Variants in STXBP5 observed in about 807,000 individuals in gnomAD.
STXBP5 encodes syntaxin-binding protein 5.
In STXBP5, 50 loss-of-function variants were observed where a neutral mutation model predicts 152.4. That is an observed-to-expected ratio of 0.33 (90% CI 0.26 to 0.42). The LOEUF is 0.42. STXBP5 is among the 10% of genes least tolerant of loss of function. The pLI is 1.00. For synonymous variants in STXBP5, 492 were observed against 494.7 expected (o/e 0.99, Z 0.07); for missense variants, 1,167 against 1,388.6 (o/e 0.84, Z 2.54).
intron 4 of STXBP5, among the ~76,000 whole-genome samples, chr6:147,252,004 A>G (rs948400711): frequency 6.6e-6 from 1 of 152,186 alleles, no homozygotes; most frequent in Non-Finnish European, 1.5e-5. Context: ...TTAGAAGGAA[A>G]ACTAACAAAC....
At chr6:147,286,061 G>A (rs1780945758) in intron 8 of STXBP5, among the ~76,000 whole-genome samples, 1 of 152,148 alleles carries the variant, frequency 6.6e-6, no homozygotes, top group African/African-American at 2.4e-5. Flanking sequence ...ATATAGATTG[G>A]AATAGAGGTT....
intron 2 of STXBP5, among the ~76,000 whole-genome samples, chr6:147,215,449 C>T (rs1777113348): frequency 6.6e-6 from 1 of 152,088 alleles, no homozygotes; most frequent in South Asian, 2.1e-4. Flanking sequence ...GGTGCTATCT[C>T]GGCTCACTAC....
Position 147,386,936 on chromosome 6 carries a change from T to C in STXBP5, c.*2181T>C, listed in dbSNP as rs553304988. ...TTGTATATTAACTTCATTTTTACTG[T>C]CATTTTTCCTGTTGTATACAAAATG... is the stretch of plus-strand genomic sequence containing the variant. On this transcript the variant is annotated 3_prime_UTR_variant, in exon 28 of 28. Coordinates refer to ENST00000321680, the MANE Select transcript of STXBP5 (RefSeq NM_001127715.4). 6.6e-6 allele frequency: 1 copy of C among 151,898 alleles called. No individual in the cohort carries two copies. Among genetic ancestry groups the C allele is most frequent in the Non-Finnish European group, 1.5e-5 (1 of 67,738 alleles). The allele number at this position is 151,898 out of a possible 1,614,324, so 9.4% of individuals were successfully genotyped here. A position where few individuals can be genotyped will look rare whatever the true frequency, so the allele number is the denominator to read the frequency against.
chr6:147,240,778 A>G lies in STXBP5; in HGVS notation c.431+1508A>G, dbSNP rs114458031. 8.1e-3 allele frequency among the ~76,000 whole-genome samples: 1,235 copies of G among 152,304 alleles called. 20 individuals carry two copies. Among genetic ancestry groups the G allele is most frequent in the African/African-American group, 0.029 (1,187 of 41,562 alleles). On this transcript the variant is annotated intron_variant, in intron 4 of 27. Transcript: ENST00000321680. ...TCTTACTTGATTCTCATGACATTTCATGGAATTAGTGAGAAACGTGGTTTG... is the reference window on the plus strand; with the variant it reads ...TCTTACTTGATTCTCATGACATTTCGTGGAATTAGTGAGAAACGTGGTTTG...
intron 26 of STXBP5, among the ~76,000 whole-genome samples, chr6:147,378,932 G>A (rs1164112533): frequency 6.6e-6 from 1 of 152,088 alleles, no homozygotes; most frequent in Non-Finnish European, 1.5e-5. Context: ...TCTTATGGGT[G>A]TTCCCATGGC....
chr6:147,215,078 G>A (rs186798927), intron 2 of STXBP5, among the ~76,000 whole-genome samples: 1 of 152,308 alleles, frequency 6.6e-6, no homozygotes, highest in African/African-American at 2.4e-5. Flanking sequence ...CTCTGTGACG[G>A]CTACTCAACT....
chr6:147,377,091 TTAA>T (rs1378423969), intron 26 of STXBP5, among the ~76,000 whole-genome samples: 3 of 152,190 alleles, frequency 2.0e-5, no homozygotes, highest in Non-Finnish European at 1.5e-5. Flanking sequence ...AATTGTAGAT[TTAA>T]TAATAAGCAG....
chr6:147,386,749 T>C lies in STXBP5; in HGVS notation c.*1994T>C, dbSNP rs1302941057. On this transcript the variant is annotated 3_prime_UTR_variant, in exon 28 of 28. Coordinates refer to ENST00000321680, the MANE Select transcript of STXBP5 (RefSeq NM_001127715.4). Reference sequence around the variant, plus strand: ...TAGGTCCTATTTTAAAGGTACAGTTTTGTGAATGTCATCAATAAAATCAAC... The same window carrying C: ...TAGGTCCTATTTTAAAGGTACAGTTCTGTGAATGTCATCAATAAAATCAAC... The C allele has an allele frequency of 6.6e-6, 1 of 151,806 alleles. No homozygotes were observed. The highest frequency in any genetic ancestry group is 1.5e-5 in the Non-Finnish European group (1 of 67,778). 9.4% of individuals were successfully genotyped at this position (151,806 alleles called of 1,614,324 possible).
At chr6:147,271,786 T>G (rs1053911235) in intron 7 of STXBP5, among the ~76,000 whole-genome samples, 4 of 151,864 alleles carry the variant, frequency 2.6e-5, no homozygotes, top group South Asian at 4.1e-4. Flanking sequence ...AGAGCCGAAA[T>G]CAATGAAATA....
chr6:147,358,397 C>T (rs1278323349), intron 22 of STXBP5, among the ~76,000 whole-genome samples: 1 of 152,038 alleles, frequency 6.6e-6, no homozygotes, highest in Non-Finnish European at 1.5e-5. Flanking sequence ...CAGCCAGGAC[C>T]CCAAGGATTG....
intron 7 of STXBP5, among the ~76,000 whole-genome samples, chr6:147,276,906 C>T (rs1003831717): frequency 3.9e-5 from 6 of 152,080 alleles, no homozygotes; most frequent in Admixed American, 2.6e-4. Flanking sequence ...ATGGTTTCTA[C>T]TGAATGTATA....
chr6:147,265,835 T>C (rs1779866471), intron 6 of STXBP5, among the ~76,000 whole-genome samples: 1 of 151,972 alleles, frequency 6.6e-6, no homozygotes, highest in South Asian at 2.1e-4. Context: ...TGCCCCGATA[T>C]CCCGGTTTTA....
At position 147,385,889 on chromosome 6, in the gene STXBP5, A is replaced by G. The variant is rs935655499; in HGVS notation, c.*1134A>G. On this transcript the variant is annotated 3_prime_UTR_variant, in exon 28 of 28. Coordinates refer to ENST00000321680, the MANE Select transcript of STXBP5 (RefSeq NM_001127715.4). ...ACAAGCATCTGTTGTCAATAATTATATAAGAGTTTAGTCTGATGACCTACA... is the reference window on the plus strand; with the variant it reads ...ACAAGCATCTGTTGTCAATAATTATGTAAGAGTTTAGTCTGATGACCTACA... The G allele has an allele frequency of 3.3e-5, 5 of 152,130 alleles. No homozygotes were observed. Among genetic ancestry groups the G allele is most frequent in the African/African-American group, 1.2e-4 (5 of 41,466 alleles). The allele number at this position is 152,130 out of a possible 1,614,324, so 9.4% of individuals were successfully genotyped here.
At chr6:147,267,257 CA>C in intron 7 of STXBP5, 90 bp downstream of exon 7, 1 of 1,054,046 alleles carries the variant, frequency 9.5e-7, no homozygotes, top group East Asian at 2.5e-5. Context: ...TTACTTTAGG[CA>C]AACTTTGTAA....
At chr6:147,298,236 AAAAAT>A (rs1781629843) in intron 9 of STXBP5, among the ~76,000 whole-genome samples, 1 of 152,016 alleles carries the variant, frequency 6.6e-6, no homozygotes, top group Non-Finnish European at 1.5e-5. Context: ...AAAAACTGTA[AAAAAT>A]GACCAAAAAA....
chr6:147,319,288 T>C (rs2128378708), intron 16 of STXBP5, among the ~76,000 whole-genome samples: 1 of 152,248 alleles, frequency 6.6e-6, no homozygotes, highest in Non-Finnish European at 1.5e-5. Flanking sequence ...CCCAAACCAC[T>C]CTTCTCCTAT....
At chr6:147,239,033 G>A in intron 3 of STXBP5, 137 bp from the exon 4 acceptor site, 1 of 682,862 alleles carries the variant, frequency 1.5e-6, no homozygotes, top group Non-Finnish European at 2.4e-6. Context: ...ATTTGAATGA[G>A]GCAAATGTTT....
At position 147,388,863 on chromosome 6, in the gene STXBP5, T is replaced by A. The variant is rs942398002; in HGVS notation, c.*4108T>A. On this transcript the variant is annotated 3_prime_UTR_variant, in exon 28 of 28. Transcript: ENST00000321680. ...TCCAGGTATTTTCTTCTACCTTTTTTAAAAATAAATTTCCAAAAATGAAAA... is the reference window on the plus strand; with the variant it reads ...TCCAGGTATTTTCTTCTACCTTTTTAAAAAATAAATTTCCAAAAATGAAAA... The A allele has an allele frequency of 6.6e-6, 1 of 151,120 alleles. No individual in the cohort carries two copies. The highest frequency in any genetic ancestry group is 1.5e-5 in the Non-Finnish European group (1 of 67,506). The allele number at this position is 151,120 out of a possible 1,614,324, so 9.4% of individuals were successfully genotyped here. A position where few individuals can be genotyped will look rare whatever the true frequency, so the allele number is the denominator to read the frequency against.
Position 147,270,396 on chromosome 6 carries a change from C to CAA in STXBP5, c.714+3248_714+3249dup, listed in dbSNP as rs71031020. 3.8e-3 allele frequency among the ~76,000 whole-genome samples: 345 copies of CAA among 90,012 alleles called. 1 individual carries two copies. Among genetic ancestry groups the CAA allele is most frequent in the Middle Eastern group, 0.012 (2 of 168 alleles). 59.1% of individuals were successfully genotyped at this position (90,012 alleles called of 152,430 possible). A position where few individuals can be genotyped will look rare whatever the true frequency, so the allele number is the denominator to read the frequency against. ...CCTGGGCGACAGAGTGAGACTCTGTCAAAAAAAAAAAAAAAAAAAATTACA... is the reference window on the plus strand; with the variant it reads ...CCTGGGCGACAGAGTGAGACTCTGTCAAAAAAAAAAAAAAAAAAAAAATTACA... On this transcript the variant is annotated intron_variant, in intron 7 of 27. Coordinates refer to ENST00000321680, the MANE Select transcript of STXBP5 (RefSeq NM_001127715.4).
Sources: gnomAD v4.1 joint callset for allele counts (sites outside exome capture counted in the v4.1 genomes callset) on GRCh38, gnomAD v4.1.1 for gene constraint, MANE v1.5 for transcripts, NCBI Gene and HGNC (gene_info 2026-07-23, HGNC 2026-07-21) for gene names.